Variants in SLCO3A1 observed in about 807,000 individuals in gnomAD.
The protein encoded by SLCO3A1 is PGE1 transporter.
SLCO3A1 carries 27 observed loss-of-function variants against 63.1 expected under a neutral mutation model. The ratio of observed to expected loss-of-function variants is 0.43; its 90% CI spans 0.32 to 0.59. The LOEUF (loss-of-function observed/expected upper bound fraction) is 0.59, where lower values mean the gene tolerates loss of function less well. Among genes scored for constraint, SLCO3A1 ranks in the 20% least tolerant of loss-of-function variants. SLCO3A1 has a pLI of 0.09. For synonymous variants in SLCO3A1, 473 were observed against 409.9 expected, an observed-to-expected ratio of 1.15 and a Z score of -1.86; for missense variants, 773 against 945.8, an observed-to-expected ratio of 0.82 and a Z score of 2.40.
At chr15:91,993,306 T>C (rs2046150468) in intron 2 of SLCO3A1, among the ~76,000 whole-genome samples, 1 of 152,248 alleles carries the variant, frequency 6.6e-6, no homozygotes, top group Non-Finnish European at 1.5e-5. Flanking sequence ...CATGCTGATA[T>C]ATTTAGATGA....
At chr15:91,965,445 G>C (rs1900622648) in intron 2 of SLCO3A1, among the ~76,000 whole-genome samples, 1 of 152,174 alleles carries the variant, frequency 6.6e-6, no homozygotes, top group Admixed American at 6.5e-5. Flanking sequence ...CCATTGTGAG[G>C]AACAATCTCA....
chr15:91,980,680 C>T (rs562518224), intron 2 of SLCO3A1, among the ~76,000 whole-genome samples: 121 of 152,178 alleles, frequency 8.0e-4, no homozygotes, highest in African/African-American at 2.5e-3. Flanking sequence ...TTATTGGGCA[C>T]GGAGCAGGCT....
Position 91,894,723 on chromosome 15 carries a change from GA to G in SLCO3A1, c.181-21268del, listed in dbSNP as rs1203524104. On this transcript the variant is annotated intron_variant, in intron 1 of 9. Coordinates refer to ENST00000318445, the MANE Select transcript of SLCO3A1 (RefSeq NM_013272.4). The surrounding 1 kb of genome is among the most constrained non-coding windows in gnomAD (Gnocchi z 4.8). The stretch of plus-strand genomic sequence containing the variant: ...GTCTGGGGCAGGGTCTGAGATTTTT[GA>G]ATTTCTAAAAGGCTCTCTGGTGATG... Among the ~76,000 whole-genome samples, 2 of 152,116 alleles carry G rather than the reference GA, an allele frequency of 1.3e-5. No individual in the cohort carries two copies. Among genetic ancestry groups the G allele is most frequent in the Non-Finnish European group, 2.9e-5 (2 of 68,026 alleles).
At chr15:91,889,472 C>A (rs943866437) in intron 1 of SLCO3A1, among the ~76,000 whole-genome samples, 1 of 152,192 alleles carries the variant, frequency 6.6e-6, no homozygotes, top group Non-Finnish European at 1.5e-5. Flanking sequence ...AGGCTCTGTG[C>A]CTTATAAAAC....
At chr15:92,128,849 AT>A (rs1297238981) in intron 7 of SLCO3A1, among the ~76,000 whole-genome samples, 1 of 152,164 alleles carries the variant, frequency 6.6e-6, no homozygotes, top group Non-Finnish European at 1.5e-5. Flanking sequence ...CTTAAAAACC[AT>A]TTATCAGGAA....
At chr15:92,167,649 T>C (rs1361023557), downstream of SLCO3A1, among the ~76,000 whole-genome samples, 2 of 152,210 alleles carry the variant, frequency 1.3e-5, no homozygotes, top group African/African-American at 4.8e-5. Flanking sequence ...ACTCTCTCAC[T>C]GGTGGAAGAT....
chr15:92,003,085 C>T (rs1329212734), intron 2 of SLCO3A1, among the ~76,000 whole-genome samples: 2 of 152,182 alleles, frequency 1.3e-5, no homozygotes, highest in Admixed American at 1.3e-4. Context: ...CCCTGTGTAC[C>T]TCCATAGCAG....
chr15:91,887,733 T>C (rs1897762275), intron 1 of SLCO3A1, among the ~76,000 whole-genome samples: 1 of 152,236 alleles, frequency 6.6e-6, no homozygotes, highest in Non-Finnish European at 1.5e-5. Flanking sequence ...CCACATGGTT[T>C]AATAAAACCA....
chr15:92,074,686 C>T (rs943617235), intron 2 of SLCO3A1, among the ~76,000 whole-genome samples: 4 of 152,042 alleles, frequency 2.6e-5, no homozygotes, highest in African/African-American at 9.6e-5. Context: ...ATGAGTTTTC[C>T]AGAAAAGCCA....
At chr15:92,018,476 G>A (rs982771639) in intron 2 of SLCO3A1, among the ~76,000 whole-genome samples, 1 of 152,172 alleles carries the variant, frequency 6.6e-6, no homozygotes, top group Non-Finnish European at 1.5e-5. Context: ...CATGGCATCA[G>A]AAGTGGCAGC....
chr15:92,122,967 G>C (rs1376720177), intron 5 of SLCO3A1, among the ~76,000 whole-genome samples: 3 of 152,156 alleles, frequency 2.0e-5, no homozygotes, highest in Non-Finnish European at 2.9e-5. Context: ...GGTTACCTTT[G>C]GGGGAAGCTA....
At chr15:91,911,551 T>C (rs1478658087) in intron 1 of SLCO3A1, among the ~76,000 whole-genome samples, 1 of 152,208 alleles carries the variant, frequency 6.6e-6, no homozygotes, top group Non-Finnish European at 1.5e-5. Context: ...GAATGGTCAG[T>C]GGTCCTCATC....
intron 9 of SLCO3A1, among the ~76,000 whole-genome samples, chr15:92,160,671 G>A (rs1295290024): frequency 6.6e-6 from 1 of 152,126 alleles, no homozygotes; most frequent in Non-Finnish European, 1.5e-5. Context: ...CAGCGGAGGT[G>A]AAGAGTTCCA....
In SLCO3A1 at chr15:92,034,214, C is replaced by T. The variant is rs573813203; in HGVS notation, c.647-60667C>T. On this transcript the variant is annotated intron_variant, in intron 2 of 9. Transcript: ENST00000318445. ...TTGGGGCCGGGGATAGCACAGATGCCTCCTAAAGGAAGCACTGACAGAATG... is the reference window on the plus strand; with the variant it reads ...TTGGGGCCGGGGATAGCACAGATGCTTCCTAAAGGAAGCACTGACAGAATG... 1.8e-3 allele frequency among the ~76,000 whole-genome samples: 279 copies of T among 151,582 alleles called. 6 individuals are homozygous for T. The highest frequency in any genetic ancestry group is 3.2e-3 in the Non-Finnish European group (220 of 67,704).
chr15:92,031,197 C>A (rs1214196357), intron 2 of SLCO3A1, among the ~76,000 whole-genome samples: 3 of 151,606 alleles, frequency 2.0e-5, no homozygotes, highest in Non-Finnish European at 4.4e-5. Flanking sequence ...CAAAAGACAT[C>A]AATAGAGCTA....
Position 91,897,210 on chromosome 15 carries a change from T to G in SLCO3A1, c.181-18783T>G, listed in dbSNP as rs1898027969. ...TGGTGCACGCCTGTAATCCCAGTACTTTGAGAGGCTGAGGTGGGCAGATCA... is the reference window on the plus strand; with the variant it reads ...TGGTGCACGCCTGTAATCCCAGTACGTTGAGAGGCTGAGGTGGGCAGATCA... On this transcript the variant is annotated intron_variant, in intron 1 of 9. Coordinates refer to ENST00000318445, the MANE Select transcript of SLCO3A1 (RefSeq NM_013272.4). The surrounding 1 kb of genome is among the most constrained non-coding windows in gnomAD (Gnocchi z 4.7). 6.6e-6 allele frequency among the ~76,000 whole-genome samples: 1 copy of G among 152,136 alleles called. No homozygotes were observed. The highest frequency in any genetic ancestry group is 2.4e-5 in the African/African-American group (1 of 41,408).
chr15:91,922,659 G>A (rs558915271), intron 2 of SLCO3A1, among the ~76,000 whole-genome samples: 1 of 152,312 alleles, frequency 6.6e-6, no homozygotes, highest in South Asian at 2.1e-4. Flanking sequence ...CAAATATACT[G>A]TGACTGAAGT....
chr15:92,018,402 C>T (rs1050366994), intron 2 of SLCO3A1, among the ~76,000 whole-genome samples: 1 of 152,152 alleles, frequency 6.6e-6, no homozygotes, highest in Admixed American at 6.5e-5. Flanking sequence ...GGTCACACCT[C>T]CACAGAACAT....
intron 2 of SLCO3A1, among the ~76,000 whole-genome samples, chr15:92,046,425 G>C (rs2151491804): frequency 6.6e-6 from 1 of 152,232 alleles, no homozygotes; most frequent in South Asian, 2.1e-4. Flanking sequence ...AGCTACTTGG[G>C]AGGCTGAGGC....
Sources: gnomAD v4.1 joint callset for allele counts (sites outside exome capture counted in the v4.1 genomes callset) on GRCh38, gnomAD v4.1.1 for gene constraint, Gnocchi (gnomAD v3.1) non-coding constraint, MANE v1.5 for transcripts, NCBI Gene and HGNC (gene_info 2026-07-23, HGNC 2026-07-21) for gene names.